TRPV4: variants seen among roughly 807,000 people sequenced by gnomAD.
TRPV4 encodes the protein transient receptor potential cation channel subfamily V member 4, also known as OSM9-like transient receptor potential channel 4.
Under a neutral mutation model 84.1 loss-of-function variants are expected in TRPV4, and 58 were observed. That is an observed-to-expected ratio of 0.69 (90% CI 0.56 to 0.86). TRPV4 has a LOEUF of 0.86. TRPV4 is among the 40% of genes least tolerant of loss of function. TRPV4 has a pLI of 0.00. For synonymous variants in TRPV4, 489 were observed against 500.9 expected, an observed-to-expected ratio of 0.98 and a Z score of 0.32; for missense variants, 879 against 1,181.1, an observed-to-expected ratio of 0.74 and a Z score of 3.75.
chr12:109,791,907 A>G (rs1216279873), intron 12 of TRPV4, among the ~76,000 whole-genome samples: 1 of 151,976 alleles, frequency 6.6e-6, no homozygotes, highest in African/African-American at 2.4e-5. Flanking sequence ...AAGGATGGAA[A>G]CGTACTTAGT....
At chr12:109,801,593 T>C (rs1215257730) in intron 4 of TRPV4, among the ~76,000 whole-genome samples, 1 of 152,170 alleles carries the variant, frequency 6.6e-6, no homozygotes, top group Non-Finnish European at 1.5e-5. Flanking sequence ...TTATAAATTA[T>C]CCAGTCTTGG....
chr12:109,824,138 T>C (rs1419467218), intron 1 of TRPV4, among the ~76,000 whole-genome samples: 1 of 152,062 alleles, frequency 6.6e-6, no homozygotes, highest in African/African-American at 2.4e-5. Flanking sequence ...CTAATTTTTG[T>C]ATTTTTAGTA....
intron 1 of TRPV4, among the ~76,000 whole-genome samples, chr12:109,828,505 A>G (rs1036893714): frequency 2.0e-5 from 3 of 152,226 alleles, no homozygotes; most frequent in African/African-American, 7.2e-5. Flanking sequence ...CCCAGGCCAG[A>G]ACAAGAGCAG....
At chr12:109,810,857 G>A (rs1409472659) in intron 2 of TRPV4, among the ~76,000 whole-genome samples, 1 of 152,168 alleles carries the variant, frequency 6.6e-6, no homozygotes, top group Non-Finnish European at 1.5e-5. Context: ...GAGGGGAATG[G>A]GAGATACAGA....
chr12:109,811,602 A>G (rs1204530839), intron 2 of TRPV4, among the ~76,000 whole-genome samples: 1 of 151,904 alleles, frequency 6.6e-6, no homozygotes, highest in Non-Finnish European at 1.5e-5. Context: ...AGGTTGCAGT[A>G]AGCCAAGATA....
At chr12:109,803,267 G>T in intron 3 of TRPV4, 124 bp from the exon 4 acceptor site, 1 of 1,189,676 alleles carries the variant, frequency 8.4e-7, no homozygotes, top group Non-Finnish European at 1.2e-6. Context: ...TCCTCTCCAA[G>T]CCTGTTTCCT....
In TRPV4 at chr12:109,802,904, C is replaced by G. The variant is rs1890891929; in HGVS notation, c.712+87G>C. On this transcript the variant is annotated intron_variant, in intron 4 of 15. Transcript: ENST00000261740. ...CCTGGGTACATGCTGGCACTTAGGCCCAGATCAAAAGTCTCAGGAGTCAGA... is the reference window on the plus strand; with the variant it reads ...CCTGGGTACATGCTGGCACTTAGGCGCAGATCAAAAGTCTCAGGAGTCAGA... 3 of 1,442,186 alleles carry G rather than the reference C, an allele frequency of 2.1e-6. No homozygotes were observed. The East Asian group carries it at 6.8e-5, about 33-fold the overall frequency. The allele number at this position is 1,442,186 out of a possible 1,614,324, so 89.3% of individuals were successfully genotyped here.
intron 4 of TRPV4, among the ~76,000 whole-genome samples, chr12:109,801,379 A>AC (rs932326927): frequency 1.3e-5 from 2 of 152,170 alleles, no homozygotes; most frequent in African/African-American, 4.8e-5. Context: ...GGGGGCAGTT[A>AC]CCCTCATGCT....
chr12:109,807,276 C>CAA (rs200798445), intron 3 of TRPV4, among the ~76,000 whole-genome samples: 102 of 107,362 alleles, frequency 9.5e-4, no homozygotes, highest in African/African-American at 2.5e-3. Context: ...AACTCTGTCT[C>CAA]AAAAAAAAAA....
At chr12:109,789,072 T>C (rs1301802358) in intron 12 of TRPV4, among the ~76,000 whole-genome samples, 2 of 152,176 alleles carry the variant, frequency 1.3e-5, no homozygotes, top group African/African-American at 2.4e-5. Context: ...ACCTGCTCTG[T>C]TTCCAACCTG....
At position 109,814,287 on chromosome 12, in the gene TRPV4, G is replaced by T; in HGVS notation, c.386+124C>A. 1 of 1,120,406 alleles carries T rather than the reference G, an allele frequency of 8.9e-7. No homozygotes were observed. The highest frequency in any genetic ancestry group is 1.3e-6 in the Non-Finnish European group (1 of 765,522). 69.4% of individuals were successfully genotyped at this position (1,120,406 alleles called of 1,614,324 possible). ...TGGATGGATAGATGTATGGATGGTT[G>T]GATGGACAGATGGATGGATGGATGA... On this transcript the variant is annotated intron_variant, in intron 2 of 15. Transcript: ENST00000261740. This position sits in a 1 kb window ranked among gnomAD's most constrained non-coding sequence, Gnocchi z 5.4.
At position 109,793,635 on chromosome 12, in the gene TRPV4, G is replaced by A. The variant is rs1211726103; in HGVS notation, c.1585-35C>T. 4 of 1,567,608 alleles carry A rather than the reference G, an allele frequency of 2.6e-6. No homozygotes were observed. The highest frequency in any genetic ancestry group is 3.4e-4 in the Middle Eastern group (2 of 5,942). On this transcript the variant is annotated intron_variant, in intron 9 of 15. Coordinates refer to ENST00000261740, the MANE Select transcript of TRPV4 (RefSeq NM_021625.5). The surrounding 1 kb of genome is among the most constrained non-coding windows in gnomAD (Gnocchi z 4.0). ...AGGAGGGGGCACGTGAAAGGGGTGG[G>A]GCCAGCAGGAGAGGAGAGGAGGAGA...
intron 3 of TRPV4, among the ~76,000 whole-genome samples, chr12:109,806,816 A>G (rs187630503): frequency 4.7e-5 from 7 of 149,280 alleles, no homozygotes; most frequent in African/African-American, 1.5e-4. Flanking sequence ...AGCTGTGATC[A>G]CACCACAGCA....
rs1012048983 is a variant in TRPV4, at chr12:109,810,994, C to A, written c.387-2526G>T. Among the ~76,000 whole-genome samples, 8 of 152,276 alleles carry A rather than the reference C, an allele frequency of 5.3e-5. No homozygotes were observed. The South Asian group carries it at 6.2e-4, about 12-fold the overall frequency. The stretch of plus-strand genomic sequence containing the variant: ...GGTTGTACAGATTTTTCAGCACAGA[C>A]AACTGTGAGGCCCTATTCCTTGGCG... On this transcript the variant is annotated intron_variant, in intron 2 of 15. Coordinates refer to ENST00000261740, the MANE Select transcript of TRPV4 (RefSeq NM_021625.5).
chr12:109,826,932 G>A (rs895149633), intron 1 of TRPV4, among the ~76,000 whole-genome samples: 3 of 152,200 alleles, frequency 2.0e-5, no homozygotes, highest in Non-Finnish European at 2.9e-5. Flanking sequence ...AAAAGCTCTA[G>A]GGCGGAGGGA....
chr12:109,824,743 C>T (rs1336822258), intron 1 of TRPV4, among the ~76,000 whole-genome samples: 1 of 126,528 alleles, frequency 7.9e-6, no homozygotes, highest in African/African-American at 3.2e-5. Flanking sequence ...GCGACAAGAG[C>T]GAGACTCCAT....
intron 13 of TRPV4, among the ~76,000 whole-genome samples, chr12:109,787,741 T>C (rs368078471): frequency 3.3e-5 from 5 of 152,178 alleles, no homozygotes; most frequent in Non-Finnish European, 4.4e-5. Flanking sequence ...TGCACCATTT[T>C]CCTGAAATGC....
Position 109,814,280 on chromosome 12 carries a change from G to C in TRPV4, c.386+131C>G, listed in dbSNP as rs1891718220. On this transcript the variant is annotated intron_variant, in intron 2 of 15. Transcript: ENST00000261740. This position sits in a 1 kb window ranked among gnomAD's most constrained non-coding sequence, Gnocchi z 5.4. ...GAATAGATGGATGGATAGATGTATG[G>C]ATGGTTGGATGGACAGATGGATGGA... is the stretch of plus-strand genomic sequence containing the variant. 3 of 1,045,232 alleles carry C rather than the reference G, an allele frequency of 2.9e-6. No homozygotes were observed. The Admixed American group carries it at 6.0e-5, about 21-fold the overall frequency. 64.7% of individuals were successfully genotyped at this position (1,045,232 alleles called of 1,614,324 possible). A position where few individuals can be genotyped will look rare whatever the true frequency, so the allele number is the denominator to read the frequency against.
At chr12:109,828,535 C>T (rs148803158) in intron 1 of TRPV4, among the ~76,000 whole-genome samples, 13 of 152,328 alleles carry the variant, frequency 8.5e-5, no homozygotes, top group Non-Finnish European at 1.8e-4. Context: ...TAACCCAAAT[C>T]CCTCCTCAAG....
Sources: gnomAD v4.1 joint callset for allele counts (sites outside exome capture counted in the v4.1 genomes callset) on GRCh38, gnomAD v4.1.1 for gene constraint, Gnocchi (gnomAD v3.1) non-coding constraint, MANE v1.5 for transcripts, NCBI Gene and HGNC (gene_info 2026-07-23, HGNC 2026-07-21) for gene names.